The following TROAP variants were observed in gnomAD, a reference collection of about 807,000 sequenced individuals.
TROAP encodes the protein tastin.
In TROAP, 62 loss-of-function variants were observed where a neutral mutation model predicts 83.4. That is an observed-to-expected ratio of 0.74 (90% CI 0.61 to 0.92). The LOEUF is 0.92. Among genes scored for constraint, TROAP ranks in the 40% least tolerant of loss-of-function variants. The pLI is 0.00. For missense variants in TROAP, 876 were observed against 985.1 expected (o/e 0.89, Z 1.48); for synonymous variants, 352 against 386.4 (o/e 0.91, Z 1.04).
chr12:49,326,225 T>C (rs115583484), intron 6 of TROAP, 67 bp downstream of exon 6: 18,723 of 1,529,732 alleles, frequency 0.012, 604 homozygotes, highest in African/African-American at 0.12. Context: ...GATACAGGAG[T>C]CCCCCAGAGT....
Position 49,329,714 on chromosome 12 carries a change from C to A in TROAP, c.1165-143C>A, listed in dbSNP as rs1943550239. The A allele has an allele frequency of 7.7e-7, 1 of 1,307,032 alleles. No homozygotes were observed. The highest frequency in any genetic ancestry group is 1.1e-6 in the Non-Finnish European group (1 of 945,542). The allele number at this position is 1,307,032 out of a possible 1,614,324, so 81.0% of individuals were successfully genotyped here. On this transcript the variant is annotated intron_variant, in intron 11 of 14. Transcript: ENST00000257909. This position sits in a 1 kb window ranked among gnomAD's most constrained non-coding sequence, Gnocchi z 4.5. The stretch of plus-strand genomic sequence containing the variant: ...CTCTGGAAAAGCTGCCTAACTCTCA[C>A]TGCTTCTCTGCTGCCCCTCCTAATG...
chr12:49,324,448 C>G, intron 3 of TROAP: 1 of 407,044 alleles, frequency 2.5e-6, no homozygotes, highest in South Asian at 5.1e-5. Flanking sequence ...TACTTTGCAG[C>G]ACTTCTTTTA....
chr12:49,327,577 G>C (rs568105283), intron 8 of TROAP, among the ~76,000 whole-genome samples: 1 of 152,224 alleles, frequency 6.6e-6, no homozygotes, highest in South Asian at 2.1e-4. Context: ...CAGTGCTAAG[G>C]GTGAGACAGA....
At chr12:49,323,547 A>C in intron 1 of TROAP, 57 bp from the exon 2 acceptor site, 1 of 1,584,690 alleles carries the variant, frequency 6.3e-7, no homozygotes, top group Non-Finnish European at 8.6e-7. Flanking sequence ...GTGCCCCGAG[A>C]ACTGGTTGAT....
Position 49,330,644 on chromosome 12 carries a change from C to T in TROAP, c.1799C>T (p.Pro600Leu), listed in dbSNP as rs543751573. Reference sequence around the variant, plus strand: ...TACTGTAGGATTGAGCCTGAGATACCGGAGTCCTCTCGCCAGGAACAGCTT... The same window carrying T: ...TACTGTAGGATTGAGCCTGAGATACTGGAGTCCTCTCGCCAGGAACAGCTT... Reference protein sequence around the residue: ...ESYCRIEPEIPESSRQEQLEV... With the variant: ...ESYCRIEPEILESSRQEQLEV... The change falls in exon 13 of 15, where the codon CCG becomes CTG. Residue 600 changes from proline to leucine, a missense_variant. Coordinates refer to ENST00000257909, the MANE Select transcript of TROAP (RefSeq NM_005480.4). 7.4e-6 allele frequency: 12 copies of T among 1,614,002 alleles called. No homozygotes were observed. The East Asian group carries it at 1.6e-4, about 21-fold the overall frequency.
chr12:49,325,978 G>A, intron 5 of TROAP, 94 bp downstream of exon 5: 3 of 1,605,696 alleles, frequency 1.9e-6, no homozygotes, highest in Non-Finnish European at 2.6e-6. Flanking sequence ...TCATGATGAG[G>A]CAAGGGATCC....
At position 49,323,278 on chromosome 12, in the gene TROAP, G is replaced by A. The variant is rs117987084; in HGVS notation, c.-77G>A. On this transcript the variant is annotated 5_prime_UTR_variant, in exon 1 of 15. Coordinates refer to ENST00000257909, the MANE Select transcript of TROAP (RefSeq NM_005480.4). Reference sequence around the variant, plus strand: ...GCGTATTTTACAAACTGAGAAAGTAGCTCCAGCAGCACCCGAGAGGGTCAG... The same window carrying A: ...GCGTATTTTACAAACTGAGAAAGTAACTCCAGCAGCACCCGAGAGGGTCAG... 2 of 256,744 alleles carry A rather than the reference G, an allele frequency of 7.8e-6. No individual in the cohort carries two copies. The highest frequency in any genetic ancestry group is 1.5e-5 in the Non-Finnish European group (2 of 134,712). The allele number at this position is 256,744 out of a possible 1,614,324, so 15.9% of individuals were successfully genotyped here.
In TROAP at chr12:49,329,766, C is replaced by A; in HGVS notation, c.1165-91C>A. 2 of 1,538,986 alleles carry A rather than the reference C, an allele frequency of 1.3e-6. No homozygotes were observed. The highest frequency in any genetic ancestry group is 1.4e-5 in the African/African-American group (1 of 72,912). ...ACATCTAGGGCCTCTCAGTTAGGGG[C>A]TTCAATCCATTCCTCATGAGGGTGG... On this transcript the variant is annotated intron_variant, in intron 11 of 14. Transcript: ENST00000257909. This position sits in a 1 kb window ranked among gnomAD's most constrained non-coding sequence, Gnocchi z 4.5.
intron 3 of TROAP, 64 bp downstream of exon 3, chr12:49,324,101 GTGGGGTTT>G (rs772139642): frequency 6.2e-7 from 1 of 1,613,384 alleles, no homozygotes; most frequent in African/African-American, 1.3e-5. Flanking sequence ...AAGGGTAAAA[GTGGGGTTT>G]TGGGGTTTTG....
At chr12:49,331,518 G>C in intron 14 of TROAP, 55 bp from the exon 15 acceptor site, 1 of 1,614,020 alleles carries the variant, frequency 6.2e-7, no homozygotes, top group Non-Finnish European at 8.5e-7. Flanking sequence ...CAGCAGGAAG[G>C]CTTGGCTACA....
At position 49,325,672 on chromosome 12, in the gene TROAP, A is replaced by G. The variant is rs1943487750; in HGVS notation, c.495+14A>G. 2 of 1,613,356 alleles carry G rather than the reference A, an allele frequency of 1.2e-6. No individual in the cohort carries two copies. The highest frequency in any genetic ancestry group is 1.7e-5 in the Admixed American group (1 of 59,978). ...CAGAGGGTCCAGGTAATGAAACAGG[A>G]TGTGAGGAGACCAGGCTAGGGGGCA... On this transcript the variant is annotated intron_variant, in intron 4 of 14. Coordinates refer to ENST00000257909, the MANE Select transcript of TROAP (RefSeq NM_005480.4).
chr12:49,326,823 G>T (rs1417234336), intron 7 of TROAP, 103 bp downstream of exon 7: 1 of 1,315,426 alleles, frequency 7.6e-7, no homozygotes, highest in Non-Finnish European at 1.0e-6. Context: ...GCATGAGGAA[G>T]TGGGAGGCCG....
At chr12:49,328,863 C>CAAA in intron 8 of TROAP, 64 bp from the exon 9 acceptor site, 1 of 1,097,978 alleles carries the variant, frequency 9.1e-7, no homozygotes, top group Non-Finnish European at 1.2e-6. Context: ...GACTCCGTAT[C>CAAA]AAAAAAAAAA....
Position 49,329,499 on chromosome 12 carries a change from C to T in TROAP, c.1164+45C>T, listed in dbSNP as rs770247322. ...CCCTACTGAGATCCCTTGCCCTGTG[C>T]TGCCAGCCTGGAGGCCCAGGAGTTT... On this transcript the variant is annotated intron_variant, in intron 11 of 14. Coordinates refer to ENST00000257909, the MANE Select transcript of TROAP (RefSeq NM_005480.4). This position sits in a 1 kb window ranked among gnomAD's most constrained non-coding sequence, Gnocchi z 4.5. 4 of 1,562,658 alleles carry T rather than the reference C, an allele frequency of 2.6e-6. No individual in the cohort carries two copies. The highest frequency in any genetic ancestry group is 2.2e-5 in the East Asian group (1 of 44,590).
At position 49,330,884 on chromosome 12, in the gene TROAP, T is replaced by C; in HGVS notation, c.2039T>C (p.Leu680Pro). The change falls in exon 13 of 15, where the codon CTT becomes CCT. Residue 680 changes from leucine to proline, a missense_variant. By Grantham distance (98) the Leu-to-Pro change is moderately conservative. Coordinates refer to ENST00000257909, the MANE Select transcript of TROAP (RefSeq NM_005480.4). ...TSLIFSSQHP[L>P]CASPPICSLQ... is the part of the protein sequence containing the mutation. ...CTGATCTTCTCTTCCCAACACCCGCTTTGTGCCAGCCCCCCTATCTGCTCA... is the reference window on the plus strand; with the variant it reads ...CTGATCTTCTCTTCCCAACACCCGCCTTGTGCCAGCCCCCCTATCTGCTCA... 1 of 1,612,924 alleles carries C rather than the reference T, an allele frequency of 6.2e-7. No individual in the cohort carries two copies. Among genetic ancestry groups the C allele is most frequent in the Non-Finnish European group, 8.5e-7 (1 of 1,179,962 alleles).
At position 49,329,608 on chromosome 12, in the gene TROAP, T is replaced by C. The variant is rs1943549319; in HGVS notation, c.1164+154T>C. On this transcript the variant is annotated intron_variant, in intron 11 of 14. Transcript: ENST00000257909. This position sits in a 1 kb window ranked among gnomAD's most constrained non-coding sequence, Gnocchi z 4.5. ...TGGGAGGCTGAGGTAGGAGGATTGC[T>C]TGAGCTCAGATCTTTGAGACCAGCC... is the stretch of plus-strand genomic sequence containing the variant. 1.9e-6 allele frequency: 2 copies of C among 1,038,612 alleles called. No individual in the cohort carries two copies. Among genetic ancestry groups the C allele is most frequent in the East Asian group, 2.5e-5 (1 of 39,662 alleles). 64.3% of individuals were successfully genotyped at this position (1,038,612 alleles called of 1,614,324 possible).
At chr12:49,326,301 A>T (rs1213273707) in intron 6 of TROAP, 143 bp downstream of exon 6, 1 of 817,686 alleles carries the variant, frequency 1.2e-6, no homozygotes. Flanking sequence ...ACCTGTGATT[A>T]CCCGGGATGA....
intron 1 of TROAP, 104 bp downstream of exon 1, chr12:49,323,453 T>C: frequency 8.0e-6 from 8 of 995,922 alleles, no homozygotes; most frequent in Non-Finnish European, 1.2e-5. Flanking sequence ...TGTCTGGAGA[T>C]AGCACCCATA....
chr12:49,324,096 T>TAAAAA (rs1943453783), intron 3 of TROAP, 59 bp downstream of exon 3: 1 of 1,613,112 alleles, frequency 6.2e-7, no homozygotes, highest in South Asian at 1.1e-5. Context: ...CTAGGAAGGG[T>TAAAAA]AAAAGTGGGG....
Sources: gnomAD v4.1 joint callset for allele counts (sites outside exome capture counted in the v4.1 genomes callset) on GRCh38, gnomAD v4.1.1 for gene constraint, Gnocchi (gnomAD v3.1) non-coding constraint, MANE v1.5 for transcripts, NCBI Gene and HGNC (gene_info 2026-07-23, HGNC 2026-07-21) for gene names.